FAM20A: variants seen among roughly 807,000 people sequenced by gnomAD.
FAM20A encodes FAM20A golgi associated secretory pathway pseudokinase.
FAM20A carries 42 observed loss-of-function variants against 52.0 expected under a neutral mutation model. The ratio of observed to expected loss-of-function variants is 0.81; its 90% CI spans 0.63 to 1.04. The LOEUF (loss-of-function observed/expected upper bound fraction) is 1.04. FAM20A is among the 50% of genes least tolerant of loss of function. The probability of loss-of-function intolerance (pLI) is 0.00; values close to 1 mark genes in which losing one functional copy is unlikely to be tolerated. For missense variants in FAM20A, 742 were observed against 712.7 expected (o/e 1.04, Z -0.47); for synonymous variants, 304 against 298.9 (o/e 1.02, Z -0.18).
chr17:68,569,327 AC>A (rs2087474596), intron 1 of FAM20A, among the ~76,000 whole-genome samples: 1 of 151,670 alleles, frequency 6.6e-6, no homozygotes, highest in African/African-American at 2.4e-5. Flanking sequence ...TACCACCATC[AC>A]CCTAGCCTGT....
At chr17:68,565,288 A>C (rs1454813658) in intron 1 of FAM20A, among the ~76,000 whole-genome samples, 1 of 150,556 alleles carries the variant, frequency 6.6e-6, no homozygotes, top group Non-Finnish European at 1.5e-5. Context: ...CTAGCTGTTC[A>C]TTCCTAAGGT....
At chr17:68,549,315 T>C (rs1469334859) in intron 4 of FAM20A, among the ~76,000 whole-genome samples, 1 of 152,062 alleles carries the variant, frequency 6.6e-6, no homozygotes, top group Non-Finnish European at 1.5e-5. Context: ...GCCAACGTGG[T>C]GAAACCCTGT....
intron 1 of FAM20A, among the ~76,000 whole-genome samples, chr17:68,581,405 T>TCTTTCTTTCTTTCTTTCTTTCTTTCTTC (rs2087969262): frequency 6.7e-6 from 1 of 148,234 alleles, no homozygotes; most frequent in Admixed American, 6.8e-5. Context: ...TTTCTTTCTT[T>TCTTTCTTTCTTTCTTTCTTTCTTTCTTC]CTTTCTTTCT....
chr17:68,595,637 A>G (rs2088431700), intron 1 of FAM20A, among the ~76,000 whole-genome samples: 1 of 145,882 alleles, frequency 6.9e-6, no homozygotes, highest in South Asian at 2.3e-4. Context: ...TTCCTGTCTT[A>G]GCTTAGCATT....
chr17:68,563,561 G>A (rs889171659), intron 1 of FAM20A, among the ~76,000 whole-genome samples: 5 of 151,408 alleles, frequency 3.3e-5, no homozygotes, highest in African/African-American at 4.9e-5. Context: ...CCCCATGTCC[G>A]CAGTTTTTAG....
At chr17:68,582,966 A>AT (rs71144607) in intron 1 of FAM20A, among the ~76,000 whole-genome samples, 3,039 of 142,628 alleles carry the variant, frequency 0.021, 71 homozygotes, top group African/African-American at 0.054. Context: ...GGCCCAGCTG[A>AT]TTTTTTTTTT....
intron 1 of FAM20A, among the ~76,000 whole-genome samples, chr17:68,558,913 C>T (rs1207041551): frequency 2.0e-5 from 3 of 152,194 alleles, no homozygotes; most frequent in Admixed American, 1.3e-4. Context: ...TGCATGCCAC[C>T]ATGCCTGGCT....
At chr17:68,557,581 C>A (rs913542648) in intron 1 of FAM20A, 1 of 152,192 alleles carries the variant, frequency 6.6e-6, no homozygotes, top group Admixed American at 6.5e-5. Flanking sequence ...GACTTCTTAG[C>A]CTCCAGAACT....
chr17:68,544,353 G>C (rs1362706718), intron 4 of FAM20A, among the ~76,000 whole-genome samples: 1 of 152,164 alleles, frequency 6.6e-6, no homozygotes, highest in Non-Finnish European at 1.5e-5. Flanking sequence ...AAAGCGCCAG[G>C]CTGCCTGAGA....
At chr17:68,590,406 G>A (rs747298560) in intron 1 of FAM20A, 1 of 152,144 alleles carries the variant, frequency 6.6e-6, no homozygotes, top group Non-Finnish European at 1.5e-5. Flanking sequence ...GCTCCCAGTT[G>A]AGACCTCTTT....
At chr17:68,558,541 A>C in intron 1 of FAM20A, 1 of 191,200 alleles carries the variant, frequency 5.2e-6, no homozygotes. Context: ...CTCCCCGCTC[A>C]CTCTCTTGTG....
chr17:68,548,613 C>T (rs941778337), intron 4 of FAM20A, among the ~76,000 whole-genome samples: 2 of 151,588 alleles, frequency 1.3e-5, no homozygotes, highest in African/African-American at 2.4e-5. Context: ...GGGAAAATGA[C>T]ACCGATAGAC....
intron 1 of FAM20A, chr17:68,582,482 C>G (rs2088035350): frequency 1.3e-5 from 2 of 152,262 alleles, no homozygotes. Context: ...GCCATTTCAT[C>G]ATCATCATCC....
intron 1 of FAM20A, among the ~76,000 whole-genome samples, chr17:68,581,189 T>C (rs1478045360): frequency 6.6e-6 from 1 of 152,284 alleles, no homozygotes; most frequent in Non-Finnish European, 1.5e-5. Context: ...CTCTGGGCCC[T>C]GATGCAAAGG....
intron 1 of FAM20A, among the ~76,000 whole-genome samples, chr17:68,565,169 G>A (rs1420131684): frequency 6.6e-6 from 1 of 152,104 alleles, no homozygotes; most frequent in Non-Finnish European, 1.5e-5. Flanking sequence ...ACCTGACCAT[G>A]CAAATATAGA....
At chr17:68,553,909 CATAT>C (rs1206618703) in intron 3 of FAM20A, among the ~76,000 whole-genome samples, 1 of 133,288 alleles carries the variant, frequency 7.5e-6, no homozygotes, top group Non-Finnish European at 1.6e-5. Flanking sequence ...TGCATATATA[CATAT>C]ATACACACAT....
chr17:68,557,463 G>A (rs2087086515), intron 1 of FAM20A: 1 of 152,132 alleles, frequency 6.6e-6, no homozygotes, highest in South Asian at 2.1e-4. Context: ...AGACCCCAGA[G>A]AAACCCCTCA....
At chr17:68,587,419 T>C (rs1310872108) in intron 1 of FAM20A, among the ~76,000 whole-genome samples, 1 of 152,250 alleles carries the variant, frequency 6.6e-6, no homozygotes, top group Non-Finnish European at 1.5e-5. Flanking sequence ...ATCATTATAA[T>C]ACCTATGGAG....
At chr17:68,541,085 C>G in intron 7 of FAM20A, 127 bp from the exon 8 acceptor site, 1 of 1,443,608 alleles carries the variant, frequency 6.9e-7, no homozygotes, top group Non-Finnish European at 9.4e-7. Context: ...GTGGCAGCTT[C>G]TAAAATTCAG....
Sources: gnomAD v4.1 joint callset for allele counts (sites outside exome capture counted in the v4.1 genomes callset) on GRCh38, gnomAD v4.1.1 for gene constraint, MANE v1.5 for transcripts, NCBI Gene and HGNC (gene_info 2026-07-23, HGNC 2026-07-21) for gene names.